The following PTPN13 variants were observed in gnomAD, a reference collection of about 807,000 sequenced individuals.
The protein encoded by PTPN13 is protein tyrosine phosphatase non-receptor type 13, also known as tyrosine-protein phosphatase non-receptor type 13.
Under a neutral mutation model 284.0 loss-of-function variants are expected in PTPN13, and 191 were observed. The observed-to-expected ratio is 0.67, with a 90% CI of 0.60 to 0.76. PTPN13 has a LOEUF of 0.76. Ranked by LOEUF, PTPN13 falls within the 30% of genes least tolerant of loss-of-function variation. The pLI is 0.00. For synonymous variants in PTPN13, 986 were observed against 1,022.3 expected, an observed-to-expected ratio of 0.96 and a Z score of 0.68; for missense variants, 2,797 against 2,939.9, an observed-to-expected ratio of 0.95 and a Z score of 1.12.
intron 7 of PTPN13, among the ~76,000 whole-genome samples, chr4:86,709,766 A>G (rs558722719): frequency 1.3e-5 from 2 of 152,352 alleles, no homozygotes; most frequent in African/African-American, 4.8e-5. Context: ...GTCACAGCCC[A>G]GCTATGTGGC....
At chr4:86,767,666 C>CT (rs1471115262) in intron 27 of PTPN13, 151 bp from the exon 28 acceptor site, 3 of 560,958 alleles carry the variant, frequency 5.3e-6, no homozygotes, top group African/African-American at 1.9e-5. Context: ...GCTTTTGTTC[C>CT]TCTATTTTTT....
intron 2 of PTPN13, among the ~76,000 whole-genome samples, chr4:86,659,672 TG>T (rs1726249656): frequency 6.6e-6 from 1 of 151,792 alleles, no homozygotes; most frequent in South Asian, 2.1e-4. Flanking sequence ...AAAAATTAGC[TG>T]GGCATGGTGG....
intron 3 of PTPN13, among the ~76,000 whole-genome samples, chr4:86,674,313 G>T (rs568129617): frequency 2.6e-5 from 4 of 152,264 alleles, no homozygotes; most frequent in South Asian, 4.1e-4. Flanking sequence ...TTCCACATAA[G>T]TGTAAAAATT....
intron 2 of PTPN13, among the ~76,000 whole-genome samples, chr4:86,645,610 G>A (rs1258050514): frequency 6.6e-6 from 1 of 151,988 alleles, no homozygotes; most frequent in African/African-American, 2.4e-5. Context: ...TTAACAATAT[G>A]AAAAAATTAA....
chr4:86,793,170 C>T (rs1035574331), intron 40 of PTPN13, among the ~76,000 whole-genome samples: 6 of 152,068 alleles, frequency 3.9e-5, no homozygotes, highest in Non-Finnish European at 5.9e-5. Context: ...GAAGATCTAC[C>T]AAGCCAATGG....
Position 86,631,923 on chromosome 4 carries a change from T to A in PTPN13, c.-5-3329T>A, listed in dbSNP as rs138834072. ...GATTTAAAACCTAGTCTGTCTCTTG[T>A]GCTCTCTATATATACACATAAATAT... On this transcript the variant is annotated intron_variant, in intron 1 of 47. Transcript: ENST00000411767. 8.5e-4 allele frequency among the ~76,000 whole-genome samples: 130 copies of A among 152,272 alleles called. 1 individual carries two copies. Among genetic ancestry groups the A allele is most frequent in the Middle Eastern group, 3.4e-3 (1 of 294 alleles).
Position 86,758,273 on chromosome 4 carries a change from A to G in PTPN13, c.3237A>G (p.Lys1079=). The G allele has an allele frequency of 6.2e-7, 1 of 1,607,368 alleles. No homozygotes were observed. Among genetic ancestry groups the G allele is most frequent in the Non-Finnish European group, 8.5e-7 (1 of 1,175,248 alleles). ...AATTCCCAATAGATGTGCTACACAA[A>G]AGATGGAGCATAGTATCTTCACCAG... ...VPLKENDVLH[K]RWSIVSSPER... is the part of the protein sequence containing the mutation. The change falls in exon 21 of 48, where the codon AAA becomes AAG. Residue 1079 remains lysine, a synonymous_variant. Coordinates refer to ENST00000411767, the MANE Select transcript of PTPN13 (RefSeq NM_080683.3).
chr4:86,642,529 T>C (rs1188915215), intron 2 of PTPN13, among the ~76,000 whole-genome samples: 1 of 139,758 alleles, frequency 7.2e-6, no homozygotes, highest in Non-Finnish European at 1.5e-5. Context: ...CTCGGCTCAC[T>C]GCAACCTCCA....
chr4:86,638,837 A>C (rs1401745645), intron 2 of PTPN13, among the ~76,000 whole-genome samples: 1 of 152,154 alleles, frequency 6.6e-6, no homozygotes, highest in Non-Finnish European at 1.5e-5. Context: ...AATGGGATCT[A>C]ATTAAACTAA....
intron 23 of PTPN13, among the ~76,000 whole-genome samples, chr4:86,761,973 G>A (rs1738746049): frequency 1.3e-5 from 2 of 152,028 alleles, no homozygotes; most frequent in Admixed American, 6.6e-5. Context: ...TTCAAGTGGC[G>A]TTTTGTTTGT....
intron 3 of PTPN13, among the ~76,000 whole-genome samples, chr4:86,675,195 G>C (rs1465645024): frequency 6.6e-6 from 1 of 152,156 alleles, no homozygotes; most frequent in Non-Finnish European, 1.5e-5. Flanking sequence ...AAGCAATGTT[G>C]GGGATGAAAT....
chr4:86,740,817 A>G (rs2149166259), intron 15 of PTPN13, among the ~76,000 whole-genome samples: 1 of 152,296 alleles, frequency 6.6e-6, no homozygotes, highest in Middle Eastern at 3.4e-3. Flanking sequence ...TTTGCTGCTT[A>G]GAAATTTCTT....
chr4:86,626,747 T>G (rs1376029874), intron 1 of PTPN13, among the ~76,000 whole-genome samples: 1 of 152,096 alleles, frequency 6.6e-6, no homozygotes, highest in Non-Finnish European at 1.5e-5. Flanking sequence ...AATTCCACTT[T>G]TGGGTATACA....
intron 1 of PTPN13, among the ~76,000 whole-genome samples, chr4:86,600,349 T>G (rs1321084540): frequency 6.6e-6 from 1 of 151,676 alleles, no homozygotes; most frequent in African/African-American, 2.4e-5. Flanking sequence ...TTTAGTATGC[T>G]CTGAGTAGAG....
rs1735096337 is a variant in PTPN13 at position 86,732,837 on chromosome 4, C to A, written c.1858+71C>A. On this transcript the variant is annotated intron_variant, in intron 12 of 47. Transcript: ENST00000411767. Reference sequence around the variant, plus strand: ...ACAAGCAGACTTCCTATGTTTGTTACCATGCCTGACCTCATTTTGACAATT... The same window carrying A: ...ACAAGCAGACTTCCTATGTTTGTTAACATGCCTGACCTCATTTTGACAATT... The A allele has an allele frequency of 6.2e-6, 8 of 1,300,774 alleles. No homozygotes were observed. In the South Asian group the frequency reaches 1.2e-4, roughly 19 times the overall value. 80.6% of individuals were successfully genotyped at this position (1,300,774 alleles called of 1,614,324 possible).
chr4:86,639,341 G>C (rs1723462884), intron 2 of PTPN13, among the ~76,000 whole-genome samples: 1 of 152,048 alleles, frequency 6.6e-6, no homozygotes, highest in Non-Finnish European at 1.5e-5. Context: ...ATACCCAAAG[G>C]ACTATAAATC....
At chr4:86,680,644 G>T (rs1392272905) in intron 3 of PTPN13, among the ~76,000 whole-genome samples, 3 of 152,044 alleles carry the variant, frequency 2.0e-5, no homozygotes, top group Non-Finnish European at 4.4e-5. Context: ...GATCATGAGG[G>T]TCTTTTCCCC....
At chr4:86,681,740 C>T (rs910954722) in intron 3 of PTPN13, among the ~76,000 whole-genome samples, 2 of 152,076 alleles carry the variant, frequency 1.3e-5, no homozygotes, top group African/African-American at 2.4e-5. Context: ...CCAGCCTGGC[C>T]AACATGGCGA....
chr4:86,791,340 C>G (rs1357941152), intron 40 of PTPN13, among the ~76,000 whole-genome samples: 1 of 152,146 alleles, frequency 6.6e-6, no homozygotes, highest in Non-Finnish European at 1.5e-5. Context: ...GTAAACAAAG[C>G]GGCCGGGAAG....
Sources: gnomAD v4.1 joint callset for allele counts (sites outside exome capture counted in the v4.1 genomes callset) on GRCh38, gnomAD v4.1.1 for gene constraint, MANE v1.5 for transcripts, NCBI Gene and HGNC (gene_info 2026-07-23, HGNC 2026-07-21) for gene names.